SSBP2: variants seen among roughly 807,000 people sequenced by gnomAD.
The protein encoded by SSBP2 is single stranded DNA binding protein 2.
Under a neutral mutation model 61.8 loss-of-function variants are expected in SSBP2, and 17 were observed. The observed-to-expected ratio is 0.28, with a 90% confidence interval of 0.19 to 0.41. SSBP2 has a LOEUF of 0.41. Ranked by LOEUF, SSBP2 falls within the 10% of genes least tolerant of loss-of-function variation. The probability of loss-of-function intolerance (pLI) is 1.00; values close to 1 mark genes in which losing one functional copy is unlikely to be tolerated. For missense variants in SSBP2, 310 were observed against 458.7 expected (o/e 0.68, Z 2.96); for synonymous variants, 139 against 141.3 (o/e 0.98, Z 0.12).
chr5:81,573,431 G>A (rs1355119024), intron 4 of SSBP2, among the ~76,000 whole-genome samples: 1 of 152,210 alleles, frequency 6.6e-6, no homozygotes, highest in Non-Finnish European at 1.5e-5. Context: ...TTATAATTCA[G>A]AGCAAAAATT....
chr5:81,630,920 C>T lies in SSBP2; in HGVS notation c.197+5637G>A, dbSNP rs192825529. Reference sequence around the variant, plus strand: ...TGCTACAATAGAACACTCTTAAAATCGTCACTTTGTTAACCCACTGATCCA... The same window carrying T: ...TGCTACAATAGAACACTCTTAAAATTGTCACTTTGTTAACCCACTGATCCA... On this transcript the variant is annotated intron_variant, in intron 3 of 16. Transcript: ENST00000320672. Among the ~76,000 whole-genome samples, 14 of 152,230 alleles carry T rather than the reference C, an allele frequency of 9.2e-5. No homozygotes were observed. In the East Asian group the frequency reaches 2.5e-3, roughly 27 times the overall value.
chr5:81,711,526 T>C lies in SSBP2; in HGVS notation c.62+39455A>G, dbSNP rs571282546. Among the ~76,000 whole-genome samples, 19 of 152,086 alleles carry C rather than the reference T, an allele frequency of 1.2e-4. No individual in the cohort carries two copies. The East Asian group carries it at 2.1e-3, about 17-fold the overall frequency. On this transcript the variant is annotated intron_variant, in intron 1 of 16. Transcript: ENST00000320672. The stretch of plus-strand genomic sequence containing the variant: ...GAGAGAATTATCAGAAATATATCCA[T>C]TGTATAAGAGGGAAAGAAGTTGAGC...
chr5:81,561,390 G>A (rs1295065663), intron 4 of SSBP2, among the ~76,000 whole-genome samples: 1 of 152,076 alleles, frequency 6.6e-6, no homozygotes, highest in Non-Finnish European at 1.5e-5. Flanking sequence ...TGCAGTGTCT[G>A]AAAAAATACA....
At chr5:81,533,068 A>G (rs1228106851) in intron 4 of SSBP2, among the ~76,000 whole-genome samples, 2 of 151,980 alleles carry the variant, frequency 1.3e-5, no homozygotes. Context: ...ACACTCATAA[A>G]TAGCAGAATA....
At chr5:81,708,616 A>C (rs1224005301) in intron 1 of SSBP2, among the ~76,000 whole-genome samples, 1 of 151,888 alleles carries the variant, frequency 6.6e-6, no homozygotes, top group African/African-American at 2.4e-5. Flanking sequence ...TGTGCAGGAG[A>C]AGGAATTTTT....
intron 1 of SSBP2, among the ~76,000 whole-genome samples, chr5:81,681,614 T>C (rs980778579): frequency 4.0e-5 from 6 of 151,352 alleles, no homozygotes; most frequent in African/African-American, 9.7e-5. Flanking sequence ...TAAATAAATA[T>C]ATTAGAAAAT....
chr5:81,687,707 T>G (rs1311613507), intron 1 of SSBP2, among the ~76,000 whole-genome samples: 1 of 152,150 alleles, frequency 6.6e-6, no homozygotes, highest in Non-Finnish European at 1.5e-5. Flanking sequence ...AAGTTACCAT[T>G]CCAGGCCCTA....
intron 3 of SSBP2, among the ~76,000 whole-genome samples, chr5:81,632,087 TA>T (rs1747781587): frequency 6.6e-6 from 1 of 152,170 alleles, no homozygotes; most frequent in Non-Finnish European, 1.5e-5. Context: ...TAAAACAAAT[TA>T]TTTTTTTTCT....
At chr5:81,497,608 G>A (rs1252174632) in intron 5 of SSBP2, among the ~76,000 whole-genome samples, 1 of 152,092 alleles carries the variant, frequency 6.6e-6, no homozygotes, top group African/African-American at 2.4e-5. Context: ...ATGTCTAGAG[G>A]AAGAAATCCT....
intron 4 of SSBP2, among the ~76,000 whole-genome samples, chr5:81,576,237 C>T (rs2153459397): frequency 6.6e-6 from 1 of 150,436 alleles, no homozygotes; most frequent in South Asian, 2.1e-4. Flanking sequence ...TCAGTTTTTG[C>T]TACTACTCCC....
intron 11 of SSBP2, among the ~76,000 whole-genome samples, chr5:81,448,454 T>TG (rs1763547322): frequency 1.3e-5 from 2 of 152,204 alleles, no homozygotes; most frequent in African/African-American, 4.8e-5. Flanking sequence ...AGGGTTGGAC[T>TG]GGGGTGTAGA....
intron 1 of SSBP2, among the ~76,000 whole-genome samples, chr5:81,748,796 C>T (rs1256934916): frequency 6.6e-6 from 1 of 152,064 alleles, no homozygotes; most frequent in Non-Finnish European, 1.5e-5. Flanking sequence ...GATTTGACAG[C>T]AAAGTGGCAA....
At position 81,539,491 on chromosome 5, in the gene SSBP2, A is replaced by G. The variant is rs56268725; in HGVS notation, c.283-25774T>C. On this transcript the variant is annotated intron_variant, in intron 4 of 16. Transcript: ENST00000320672. The stretch of plus-strand genomic sequence containing the variant: ...AGGTTTAAGACTAAAACTGACTCCA[A>G]TTTTGAAGTTCTACTGTGGGTCAAA... Among the ~76,000 whole-genome samples, 398 of 152,344 alleles carry G rather than the reference A, an allele frequency of 2.6e-3. 3 individuals carry two copies. Among genetic ancestry groups the G allele is most frequent in the Middle Eastern group, 0.01 (3 of 294 alleles).
At position 81,416,974 on chromosome 5, in the gene SSBP2, GCCT is replaced by G. The variant is rs1561368406; in HGVS notation, c.*3527_*3529del. 6.6e-6 allele frequency: 1 copy of G among 152,302 alleles called. No homozygotes were observed. The highest frequency in any genetic ancestry group is 1.9e-4 in the East Asian group (1 of 5,190). 9.4% of individuals were successfully genotyped at this position (152,302 alleles called of 1,614,324 possible). ...CCTCCTGGGTTCAAGTGATTCTCCC[GCCT>G]CAGCCTCTTGAGTAGCTGGGATTAC... On this transcript the variant is annotated 3_prime_UTR_variant, in exon 17 of 17. Coordinates refer to ENST00000320672, the MANE Select transcript of SSBP2 (RefSeq NM_012446.5).
intron 4 of SSBP2, among the ~76,000 whole-genome samples, chr5:81,602,290 G>T (rs1346332560): frequency 6.6e-6 from 1 of 152,018 alleles, no homozygotes; most frequent in Non-Finnish European, 1.5e-5. Context: ...AATGTTATAG[G>T]TTTCTACGCA....
chr5:81,444,539 A>C (rs182454992), intron 12 of SSBP2, among the ~76,000 whole-genome samples: 1 of 152,294 alleles, frequency 6.6e-6, no homozygotes, highest in Admixed American at 6.5e-5. Context: ...GAGAGAAGGA[A>C]AGGACCGTGT....
At chr5:81,746,582 T>C (rs902434874) in intron 1 of SSBP2, among the ~76,000 whole-genome samples, 3 of 152,188 alleles carry the variant, frequency 2.0e-5, no homozygotes, top group Admixed American at 6.5e-5. Context: ...TGCTGGCAGA[T>C]ATTAATCCCT....
chr5:81,538,476 AGATCACT>A (rs1013952150), intron 4 of SSBP2, among the ~76,000 whole-genome samples: 99 of 152,346 alleles, frequency 6.5e-4, no homozygotes, highest in African/African-American at 2.3e-3. Flanking sequence ...GATCTAGCTA[AGATCACT>A]GATTATGGTG....
intron 1 of SSBP2, among the ~76,000 whole-genome samples, chr5:81,676,875 G>A (rs573588161): frequency 9.2e-5 from 14 of 151,984 alleles, no homozygotes; most frequent in African/African-American, 3.4e-4. Flanking sequence ...AGAAAGGAAG[G>A]GAAGAAAGGG....
Sources: allele counts gnomAD v4.1 joint callset (sites outside exome capture counted in the v4.1 genomes callset), GRCh38; gene constraint gnomAD v4.1.1; transcripts MANE v1.5; gene names NCBI Gene and HGNC (gene_info 2026-07-23, HGNC 2026-07-21).